CDK14: variants seen among roughly 807,000 people sequenced by gnomAD.
CDK14 encodes cyclin dependent kinase 14, also known as cyclin-dependent kinase 14.
In CDK14, 34 loss-of-function variants were observed where a neutral mutation model predicts 60.7. The ratio of observed to expected loss-of-function variants is 0.56; its 90% CI spans 0.43 to 0.75. CDK14 has a LOEUF of 0.75. Among genes scored for constraint, CDK14 ranks in the 30% least tolerant of loss-of-function variants. CDK14 has a pLI of 0.00. For synonymous variants in CDK14, 197 were observed against 203.7 expected (o/e 0.97, Z 0.28); for missense variants, 482 against 564.1 (o/e 0.85, Z 1.47).
chr7:91,092,812 C>T (rs1205712570), intron 12 of CDK14, among the ~76,000 whole-genome samples: 1 of 152,170 alleles, frequency 6.6e-6, no homozygotes, highest in Non-Finnish European at 1.5e-5. Context: ...ATACATCCTG[C>T]AGATTTGTTG....
At chr7:91,076,974 A>G (rs934923924) in intron 11 of CDK14, among the ~76,000 whole-genome samples, 4 of 152,236 alleles carry the variant, frequency 2.6e-5, no homozygotes, top group East Asian at 1.9e-4. Context: ...CAGAATGGCA[A>G]TTATTAAAAA....
Position 91,088,369 on chromosome 7 carries a change from T to G in CDK14, c.1154+8889T>G, listed in dbSNP as rs73400928. 8.1e-3 allele frequency among the ~76,000 whole-genome samples: 1,233 copies of G among 152,344 alleles called. 18 individuals are homozygous for G. The highest frequency in any genetic ancestry group is 0.027 in the African/African-American group (1,139 of 41,582). Reference sequence around the variant, plus strand: ...TTATTTCCATCATGGCAGTGACATTTACTTTAACAACAGATTTCATTATGT... The same window carrying G: ...TTATTTCCATCATGGCAGTGACATTGACTTTAACAACAGATTTCATTATGT... On this transcript the variant is annotated intron_variant, in intron 12 of 14. Transcript: ENST00000380050.
intron 2 of CDK14, among the ~76,000 whole-genome samples, chr7:90,686,367 G>C (rs559728420): frequency 6.6e-6 from 1 of 152,142 alleles, no homozygotes; most frequent in Non-Finnish European, 1.5e-5. Flanking sequence ...TTAATTCAGC[G>C]AGAAGAAGTC....
At chr7:90,960,958 T>C (rs764392968) in intron 9 of CDK14, among the ~76,000 whole-genome samples, 23 of 152,114 alleles carry the variant, frequency 1.5e-4, no homozygotes, top group Non-Finnish European at 2.8e-4. Context: ...AGCCCTGTTA[T>C]GCATTTTAAT....
intron 10 of CDK14, among the ~76,000 whole-genome samples, chr7:91,037,767 T>C (rs930668100): frequency 1.3e-5 from 2 of 151,940 alleles, no homozygotes; most frequent in Admixed American, 1.3e-4. Context: ...AATCGACATA[T>C]GCTGGAAGAG....
At chr7:90,618,125 C>G (rs1799690834) in intron 2 of CDK14, among the ~76,000 whole-genome samples, 1 of 152,178 alleles carries the variant, frequency 6.6e-6, no homozygotes, top group South Asian at 2.1e-4. Flanking sequence ...TGAAGCCACT[C>G]TGGCTTCATT....
At chr7:90,671,692 A>T (rs185110742) in intron 2 of CDK14, among the ~76,000 whole-genome samples, 123 of 152,292 alleles carry the variant, frequency 8.1e-4, no homozygotes, top group Non-Finnish European at 1.5e-3. Context: ...TTTAGCTTAT[A>T]TATCACCACT....
intron 8 of CDK14, among the ~76,000 whole-genome samples, chr7:90,951,953 C>G (rs1171513955): frequency 6.6e-6 from 1 of 151,990 alleles, no homozygotes; most frequent in Admixed American, 6.6e-5. Flanking sequence ...TTAAAAAACT[C>G]AAAATAAGGC....
chr7:90,733,508 T>C (rs1802957617), intron 3 of CDK14, among the ~76,000 whole-genome samples: 1 of 152,258 alleles, frequency 6.6e-6, no homozygotes, highest in Non-Finnish European at 1.5e-5. Context: ...TGCTCCTGTA[T>C]TGGGTGCATA....
chr7:91,047,668 G>C (rs955110677), intron 11 of CDK14, among the ~76,000 whole-genome samples: 1 of 152,186 alleles, frequency 6.6e-6, no homozygotes, highest in African/African-American at 2.4e-5. Flanking sequence ...GAAGGTAATG[G>C]GGAAACAGAA....
intron 8 of CDK14, among the ~76,000 whole-genome samples, chr7:90,930,197 G>C (rs956811569): frequency 6.6e-6 from 1 of 151,684 alleles, no homozygotes; most frequent in Non-Finnish European, 1.5e-5. Flanking sequence ...TATATAAGTG[G>C]AAATATGCAT....
intron 2 of CDK14, among the ~76,000 whole-genome samples, chr7:90,688,346 A>C (rs1801483191): frequency 6.6e-6 from 1 of 152,194 alleles, no homozygotes; most frequent in Admixed American, 6.5e-5. Flanking sequence ...AGGAAATATA[A>C]AAGGAAAAAG....
At position 90,748,385 on chromosome 7, in the gene CDK14, A is replaced by T. The variant is rs367749571; in HGVS notation, c.464+610A>T. ...GCTTGTCCTCATGTGTTTCTGATTGACCTCCTTACTCTCCCTTATTAATTA... is the reference window on the plus strand; with the variant it reads ...GCTTGTCCTCATGTGTTTCTGATTGTCCTCCTTACTCTCCCTTATTAATTA... On this transcript the variant is annotated intron_variant, in intron 4 of 14. Coordinates refer to ENST00000380050, the MANE Select transcript of CDK14 (RefSeq NM_001287135.2). 3.3e-5 allele frequency among the ~76,000 whole-genome samples: 5 copies of T among 151,298 alleles called. No individual in the cohort carries two copies. In the East Asian group the frequency reaches 7.8e-4, roughly 23 times the overall value.
At chr7:90,985,205 G>C (rs1312133071) in intron 10 of CDK14, among the ~76,000 whole-genome samples, 2 of 152,118 alleles carry the variant, frequency 1.3e-5, no homozygotes, top group Non-Finnish European at 2.9e-5. Context: ...TTGAAAATGT[G>C]TAAAATGTAA....
intron 2 of CDK14, among the ~76,000 whole-genome samples, chr7:90,716,827 T>C (rs186445758): frequency 2.0e-5 from 3 of 152,162 alleles, no homozygotes; most frequent in Non-Finnish European, 2.9e-5. Context: ...CACAATCTCT[T>C]ATTGGACCAT....
chr7:91,124,141 G>A lies in CDK14; in HGVS notation c.*28+5933G>A, dbSNP rs147849652. ...GGCCTTAAGCGATCATCCTGCTTTC[G>A]CCTCACAAAGTGTTGGGATTACAGG... is the stretch of plus-strand genomic sequence containing the variant. On this transcript the variant is annotated intron_variant, in intron 14 of 14. Coordinates refer to ENST00000380050, the MANE Select transcript of CDK14 (RefSeq NM_001287135.2). Among the ~76,000 whole-genome samples the A allele has an allele frequency of 1.9e-4, 29 of 152,120 alleles. 2 individuals are homozygous for A. The highest frequency in any genetic ancestry group is 6.5e-4 in the African/African-American group (27 of 41,514).
chr7:91,190,532 C>G (rs539152871), intron 14 of CDK14, among the ~76,000 whole-genome samples: 3 of 152,290 alleles, frequency 2.0e-5, no homozygotes, highest in Admixed American at 6.5e-5. Context: ...CTCTATCACC[C>G]AGGCTGGGGT....
intron 8 of CDK14, among the ~76,000 whole-genome samples, chr7:90,934,417 G>A (rs999848385): frequency 1.3e-5 from 2 of 152,218 alleles, no homozygotes; most frequent in Non-Finnish European, 2.9e-5. Context: ...TGATAGCCAA[G>A]GCTCACAGCA....
chr7:90,656,791 A>G (rs1407729995), intron 2 of CDK14, among the ~76,000 whole-genome samples: 1 of 152,206 alleles, frequency 6.6e-6, no homozygotes, highest in East Asian at 1.9e-4. Context: ...GTGTGACAAT[A>G]AACATGAGAA....
Sources: allele counts gnomAD v4.1 joint callset (sites outside exome capture counted in the v4.1 genomes callset), GRCh38; gene constraint gnomAD v4.1.1; transcripts MANE v1.5; gene names NCBI Gene and HGNC (gene_info 2026-07-23, HGNC 2026-07-21).